Variants in MOK observed in about 807,000 individuals in gnomAD.
MOK encodes the protein MAPK/MAK/MRK overlapping kinase.
A neutral mutation model predicts 54.2 loss-of-function variants in MOK; 59 were observed. The observed-to-expected ratio is 1.09, with a 90% CI of 0.88 to 1.35. MOK has a LOEUF of 1.35. Ranked by LOEUF, MOK falls within the 40% of genes most tolerant of loss-of-function variation. MOK has a pLI of 0.00. For synonymous variants in MOK, 210 were observed against 202.7 expected, an observed-to-expected ratio of 1.04 and a Z score of -0.31; for missense variants, 517 against 526.2, an observed-to-expected ratio of 0.98 and a Z score of 0.17.
chr14:102,305,161 C>A lies in MOK; in HGVS notation c.-193G>T. The stretch of plus-strand genomic sequence containing the variant: ...CCCTGTCACCCTAGCAACCGTCAGG[C>A]CCTGAACGCCATGAGCTGTCGCCTG... On this transcript the variant is annotated 5_prime_UTR_variant, in exon 1 of 12. Coordinates refer to ENST00000361847, the MANE Select transcript of MOK (RefSeq NM_014226.3). 1.4e-6 allele frequency: 1 copy of A among 690,472 alleles called. No individual in the cohort carries two copies. The allele number at this position is 690,472 out of a possible 1,614,324, so 42.8% of individuals were successfully genotyped here.
chr14:102,296,113 G>A (rs2071388577), intron 1 of MOK, among the ~76,000 whole-genome samples: 1 of 152,096 alleles, frequency 6.6e-6, no homozygotes, highest in Non-Finnish European at 1.5e-5. Context: ...AGGCGTGGTG[G>A]TGCCTGCCTG....
chr14:102,229,986 C>T (rs1217733310), intron 10 of MOK: 3 of 305,844 alleles, frequency 9.8e-6, no homozygotes, highest in South Asian at 6.7e-5. Context: ...ATCTGCCTGT[C>T]GCCTGGTTTT....
At chr14:102,294,445 CAAAA>C (rs540805039) in intron 1 of MOK, among the ~76,000 whole-genome samples, 2 of 64,052 alleles carry the variant, frequency 3.1e-5, no homozygotes, top group Admixed American at 1.9e-4. Flanking sequence ...GACTCCGTCT[CAAAA>C]AAAAAAAAAA....
At position 102,240,674 on chromosome 14, in the gene MOK, C is replaced by T. The variant is rs1258707891; in HGVS notation, c.591-6885G>A. On this transcript the variant is annotated intron_variant, in intron 7 of 11. Transcript: ENST00000361847. This position sits in a 1 kb window ranked among gnomAD's most constrained non-coding sequence, Gnocchi z 5.4. ...GGGGATGCCTGCCTGATTATTCACC[C>T]ACACTCCATTGGTGTCTGATCACCG... 1.3e-5 allele frequency: 2 copies of T among 152,264 alleles called. No homozygotes were observed. Among genetic ancestry groups the T allele is most frequent in the Admixed American group, 1.3e-4 (2 of 15,284 alleles). The allele number at this position is 152,264 out of a possible 1,614,324, so 9.4% of individuals were successfully genotyped here.
intron 1 of MOK, among the ~76,000 whole-genome samples, chr14:102,294,400 A>C (rs1445406645): frequency 7.3e-5 from 11 of 150,276 alleles, no homozygotes; most frequent in South Asian, 6.3e-4. Context: ...GAGCCGAGAT[A>C]GCGCCACTGC....
At chr14:102,275,061 T>C (rs759934989) in intron 2 of MOK, among the ~76,000 whole-genome samples, 2 of 151,930 alleles carry the variant, frequency 1.3e-5, no homozygotes, top group East Asian at 1.9e-4. Flanking sequence ...CAGTATGGTA[T>C]TGGCATAATG....
At chr14:102,220,380 CATT>C (rs978154302), downstream of MOK, among the ~76,000 whole-genome samples, 3 of 152,244 alleles carry the variant, frequency 2.0e-5, no homozygotes, top group African/African-American at 7.2e-5. The surrounding 1 kb of genome is among the most constrained non-coding windows in gnomAD (Gnocchi z 4.2). Context: ...CCAAAAAAGT[CATT>C]AGTAATTTTT....
chr14:102,302,932 C>T (rs77732167), intron 1 of MOK, among the ~76,000 whole-genome samples: 5 of 150,848 alleles, frequency 3.3e-5, no homozygotes, highest in East Asian at 3.9e-4. Context: ...GAGGCTGAGG[C>T]GGGTGGATCG....
At chr14:102,217,095 G>T in the MOK span, among the ~76,000 whole-genome samples, 6 of 152,242 alleles carry the variant, frequency 3.9e-5, no homozygotes, top group Non-Finnish European at 8.8e-5. Context: ...CCTTTTAGGT[G>T]GGGGGCAGCA....
intron 2 of MOK, among the ~76,000 whole-genome samples, chr14:102,276,431 T>C (rs1158610189): frequency 5.3e-5 from 8 of 151,870 alleles, no homozygotes; most frequent in Middle Eastern, 3.4e-3. Flanking sequence ...AGAGCTTGCA[T>C]TGAGCCGAGA....
In MOK at chr14:102,235,417, GAA is replaced by G. The variant is rs1275506855; in HGVS notation, c.591-1630_591-1629del. The G allele has an allele frequency of 6.6e-6, 1 of 152,238 alleles. No individual in the cohort carries two copies. The highest frequency in any genetic ancestry group is 1.5e-5 in the Non-Finnish European group (1 of 68,058). 9.4% of individuals were successfully genotyped at this position (152,238 alleles called of 1,614,324 possible). A position where few individuals can be genotyped will look rare whatever the true frequency, so the allele number is the denominator to read the frequency against. ...TTCTACCCTCCTTCCGGAAGAAAAG[GAA>G]AGAGTGTGGCTTGCAGCCCAGGCCC... On this transcript the variant is annotated intron_variant, in intron 7 of 11. Transcript: ENST00000361847. This position sits in a 1 kb window ranked among gnomAD's most constrained non-coding sequence, Gnocchi z 4.4.
At chr14:102,214,938 T>C in the MOK span, 2 of 985,372 alleles carry the variant, frequency 2.0e-6, no homozygotes, top group Non-Finnish European at 2.4e-6. Context: ...ATACTTGATA[T>C]TCTGAAGTAC....
rs891466620 is a variant in MOK, at chr14:102,286,248, G to A, written c.8-2656C>T. Among the ~76,000 whole-genome samples, 219 of 139,030 alleles carry A rather than the reference G, an allele frequency of 1.6e-3. 1 individual carries two copies. Among genetic ancestry groups the A allele is most frequent in the African/African-American group, 5.6e-3 (203 of 36,492 alleles). 91.2% of individuals were successfully genotyped at this position (139,030 alleles called of 152,430 possible). ...CAGGAGGCGGAGCCTGCAGTGAGCC[G>A]AGATCGCGCCACTGCACTCCAGCCT... On this transcript the variant is annotated intron_variant, in intron 1 of 11. Coordinates refer to ENST00000361847, the MANE Select transcript of MOK (RefSeq NM_014226.3).
At chr14:102,303,723 T>G (rs1355099273) in intron 1 of MOK, among the ~76,000 whole-genome samples, 2 of 152,206 alleles carry the variant, frequency 1.3e-5, no homozygotes, top group African/African-American at 2.4e-5. Context: ...TGGTGAATTA[T>G]TAGTAGTCTA....
Position 102,232,939 on chromosome 14 carries a change from C to T in MOK, c.693-231G>A, listed in dbSNP as rs2064869539. 5.7e-6 allele frequency: 2 copies of T among 350,338 alleles called. No individual in the cohort carries two copies. Among genetic ancestry groups the T allele is most frequent in the African/African-American group, 2.1e-5 (1 of 47,520 alleles). 21.7% of individuals were successfully genotyped at this position (350,338 alleles called of 1,614,324 possible). A position where few individuals can be genotyped will look rare whatever the true frequency, so the allele number is the denominator to read the frequency against. ...CATCGACCATAATAAACACACCACT[C>T]GAGGCAGGTGCTGACGACAGGGGAG... On this transcript the variant is annotated intron_variant, in intron 8 of 11. Transcript: ENST00000361847. This position sits in a 1 kb window ranked among gnomAD's most constrained non-coding sequence, Gnocchi z 5.1.
chr14:102,305,155 G>T lies in MOK; in HGVS notation c.-187C>A. 3 of 712,068 alleles carry T rather than the reference G, an allele frequency of 4.2e-6. No individual in the cohort carries two copies. The highest frequency in any genetic ancestry group is 7.3e-6 in the Non-Finnish European group (3 of 409,404). The allele number at this position is 712,068 out of a possible 1,614,324, so 44.1% of individuals were successfully genotyped here. On this transcript the variant is annotated 5_prime_UTR_variant, in exon 1 of 12. Transcript: ENST00000361847. ...TTGTGTCCCTGTCACCCTAGCAACC[G>T]TCAGGCCCTGAACGCCATGAGCTGT...
At chr14:102,217,457 G>T in the MOK span, among the ~76,000 whole-genome samples, 1 of 152,196 alleles carries the variant, frequency 6.6e-6, no homozygotes, top group Non-Finnish European at 1.5e-5. Context: ...AGGTTGAGTG[G>T]CATCTGGGCA....
At chr14:102,224,748 C>A, downstream of MOK, 1 of 456,058 alleles carries the variant, frequency 2.2e-6, no homozygotes, top group Non-Finnish European at 4.4e-6. Flanking sequence ...TCGAAGGCGC[C>A]AGCAGGGACT....
chr14:102,244,416 T>G (rs1049793925), intron 7 of MOK, among the ~76,000 whole-genome samples: 2 of 152,210 alleles, frequency 1.3e-5, no homozygotes, highest in Non-Finnish European at 1.5e-5. Context: ...TCATAACCTC[T>G]TCCACGTAGA....
Sources: gnomAD v4.1 joint callset for allele counts (sites outside exome capture counted in the v4.1 genomes callset) on GRCh38, gnomAD v4.1.1 for gene constraint, Gnocchi (gnomAD v3.1) non-coding constraint, MANE v1.5 for transcripts, NCBI Gene and HGNC (gene_info 2026-07-23, HGNC 2026-07-21) for gene names.